Variants in NAALADL2 observed in about 807,000 individuals in gnomAD.
NAALADL2 encodes the protein N-acetylated alpha-linked acidic dipeptidase like 2, also known as inactive N-acetylated-alpha-linked acidic dipeptidase-like protein 2.
A neutral mutation model predicts 87.2 loss-of-function variants in NAALADL2; 76 were observed. That is an observed-to-expected ratio of 0.87 (90% CI 0.72 to 1.05). NAALADL2 has a LOEUF of 1.05. Ranked by LOEUF, NAALADL2 falls within the 50% of genes least tolerant of loss-of-function variation. The pLI, the probability that NAALADL2 is intolerant of heterozygous loss-of-function variation, is 0.00. For missense variants in NAALADL2, 1,089 were observed against 945.8 expected (o/e 1.15, Z -1.99); for synonymous variants, 354 against 331.0 (o/e 1.07, Z -0.75).
chr3:174,784,866 T>G (rs543981839), intron 3 of NAALADL2, among the ~76,000 whole-genome samples: 1 of 152,324 alleles, frequency 6.6e-6, no homozygotes, highest in Admixed American at 6.5e-5. Context: ...TTTATACACT[T>G]CCTTGAAGTG....
intron 2 of NAALADL2, among the ~76,000 whole-genome samples, chr3:175,202,462 T>C (rs572140048): frequency 6.4e-4 from 97 of 152,294 alleles, no homozygotes; most frequent in African/African-American, 2.3e-3. Flanking sequence ...TGCTGCATTG[T>C]AATGAGAAAG....
chr3:175,568,504 G>C (rs1446059518), intron 9 of NAALADL2, among the ~76,000 whole-genome samples: 1 of 152,150 alleles, frequency 6.6e-6, no homozygotes, highest in African/African-American at 2.4e-5. Context: ...TTGTGAGCTG[G>C]ATATATCAAT....
intron 9 of NAALADL2, among the ~76,000 whole-genome samples, chr3:175,537,413 A>G (rs1390009687): frequency 1.3e-5 from 2 of 152,208 alleles, no homozygotes; most frequent in Middle Eastern, 3.2e-3. Context: ...TAGAAAGTGC[A>G]TATTTTCGTG....
chr3:175,569,272 A>C (rs914288656), intron 9 of NAALADL2, among the ~76,000 whole-genome samples: 1 of 152,174 alleles, frequency 6.6e-6, no homozygotes, highest in Non-Finnish European at 1.5e-5. Flanking sequence ...AATTTTGTCA[A>C]ATTACCTCCA....
chr3:175,659,808 T>G (rs1731997131), intron 11 of NAALADL2, among the ~76,000 whole-genome samples: 1 of 152,192 alleles, frequency 6.6e-6, no homozygotes, highest in East Asian at 1.9e-4. Flanking sequence ...TAGACTTCTA[T>G]ACATATCATT....
chr3:175,737,411 T>C lies in NAALADL2; in HGVS notation c.1990+12T>C. 1 of 1,468,072 alleles carries C rather than the reference T, an allele frequency of 6.8e-7. No homozygotes were observed. Among genetic ancestry groups the C allele is most frequent in the Non-Finnish European group, 9.5e-7 (1 of 1,050,748 alleles). 90.9% of individuals were successfully genotyped at this position (1,468,072 alleles called of 1,614,324 possible). ...AAACAACCTTAAAGGTAATTTTCCT[T>C]TGAATTATAGTAATTTTACCAATGA... On this transcript the variant is annotated intron_variant, in intron 12 of 13. Coordinates refer to ENST00000454872, the MANE Select transcript of NAALADL2 (RefSeq NM_207015.3).
intron 2 of NAALADL2, among the ~76,000 whole-genome samples, chr3:174,604,624 T>TTGTGTG (rs142243487): frequency 2.0e-3 from 303 of 150,736 alleles, no homozygotes; most frequent in South Asian, 4.0e-3. Context: ...TCATTTTCTG[T>TTGTGTG]TGTGTGTGTG....
intron 1 of NAALADL2, among the ~76,000 whole-genome samples, chr3:175,016,861 T>C (rs1750887174): frequency 6.6e-6 from 1 of 152,066 alleles, no homozygotes; most frequent in Non-Finnish European, 1.5e-5. Context: ...TTATGTGTAA[T>C]AATCAATTCA....
Position 175,805,779 on chromosome 3 carries a change from G to A in NAALADL2, c.*2576G>A, listed in dbSNP as rs1322993215. 1 of 151,820 alleles carries A rather than the reference G, an allele frequency of 6.6e-6. No homozygotes were observed. The highest frequency in any genetic ancestry group is 1.5e-5 in the Non-Finnish European group (1 of 67,860). 9.4% of individuals were successfully genotyped at this position (151,820 alleles called of 1,614,324 possible). On this transcript the variant is annotated 3_prime_UTR_variant, in exon 14 of 14. Transcript: ENST00000454872. ...CATAAATATTCTCTGAAGAAAATGT[G>A]GTAAAGGTGTAACGGTGAAATTTAT...
chr3:175,268,813 C>T (rs1306976026), intron 4 of NAALADL2, among the ~76,000 whole-genome samples: 2 of 152,144 alleles, frequency 1.3e-5, no homozygotes, highest in Non-Finnish European at 2.9e-5. Flanking sequence ...ACCTCCATGT[C>T]TTGTCCCACT....
At chr3:175,764,903 T>C (rs946427299) in intron 13 of NAALADL2, among the ~76,000 whole-genome samples, 6 of 152,084 alleles carry the variant, frequency 3.9e-5, no homozygotes, top group African/African-American at 1.4e-4. Flanking sequence ...GTTATGTAAG[T>C]CCCAAAAGGA....
intron 2 of NAALADL2, among the ~76,000 whole-genome samples, chr3:174,728,362 G>A (rs1187406899): frequency 6.6e-6 from 1 of 152,012 alleles, no homozygotes. Flanking sequence ...AAATTTGAAA[G>A]GGCACTGATA....
intron 5 of NAALADL2, among the ~76,000 whole-genome samples, chr3:175,404,412 T>C (rs1389892248): frequency 6.6e-6 from 1 of 152,164 alleles, no homozygotes; most frequent in Admixed American, 6.6e-5. Context: ...GTTACCCATC[T>C]GTATTCCTGA....
chr3:175,535,711 A>C (rs1436152110), intron 9 of NAALADL2, among the ~76,000 whole-genome samples: 1 of 152,204 alleles, frequency 6.6e-6, no homozygotes, highest in Non-Finnish European at 1.5e-5. Context: ...TATATACTAT[A>C]GGAACATATA....
chr3:175,171,327 A>G (rs1413697356), intron 2 of NAALADL2, among the ~76,000 whole-genome samples: 1 of 152,082 alleles, frequency 6.6e-6, no homozygotes, highest in Non-Finnish European at 1.5e-5. Context: ...AACTCCTTAT[A>G]AAGTCACATT....
chr3:174,809,432 A>G (rs1026837852), intron 3 of NAALADL2, among the ~76,000 whole-genome samples: 4 of 152,330 alleles, frequency 2.6e-5, no homozygotes, highest in African/African-American at 9.6e-5. Flanking sequence ...TTCCATATCA[A>G]TATGTTCGGA....
Position 175,361,024 on chromosome 3 carries a change from C to G in NAALADL2, c.1090+36699C>G, listed in dbSNP as rs184785334. On this transcript the variant is annotated intron_variant, in intron 5 of 13. Transcript: ENST00000454872. Reference sequence around the variant, plus strand: ...CTAATGCTATCCCTCCCCACTCCCCCCACCCCACAACAGGCCCCAGTGTGT... The same window carrying G: ...CTAATGCTATCCCTCCCCACTCCCCGCACCCCACAACAGGCCCCAGTGTGT... Among the ~76,000 whole-genome samples, 585 of 151,912 alleles carry G rather than the reference C, an allele frequency of 3.9e-3. 2 individuals are homozygous for G. Among genetic ancestry groups the G allele is most frequent in the Middle Eastern group, 0.01 (3 of 294 alleles).
chr3:174,889,737 T>G (rs771454959), intron 1 of NAALADL2, among the ~76,000 whole-genome samples: 1 of 152,210 alleles, frequency 6.6e-6, no homozygotes, highest in Non-Finnish European at 1.5e-5. Context: ...TTCAATTGAT[T>G]ATTTTAATTC....
intron 5 of NAALADL2, among the ~76,000 whole-genome samples, chr3:175,360,701 A>G (rs1391714292): frequency 7.9e-5 from 12 of 151,778 alleles, no homozygotes; most frequent in Admixed American, 6.6e-4. Context: ...TACAGATTCA[A>G]TCTTTTTTCT....
Sources: allele counts gnomAD v4.1 joint callset (sites outside exome capture counted in the v4.1 genomes callset), GRCh38; gene constraint gnomAD v4.1.1; transcripts MANE v1.5; gene names NCBI Gene and HGNC (gene_info 2026-07-23, HGNC 2026-07-21).